The following KRT25 variants were observed in gnomAD, a reference collection of about 807,000 sequenced individuals.
KRT25 encodes keratin 25, also known as keratin, type I cytoskeletal 25.
KRT25 carries 37 observed loss-of-function variants against 47.6 expected under a neutral mutation model. The ratio of observed to expected loss-of-function variants is 0.78; its 90% CI spans 0.60 to 1.02. The LOEUF is 1.02. KRT25 is among the 50% of genes least tolerant of loss of function. The probability of loss-of-function intolerance (pLI) is 0.00; values close to 1 mark genes in which losing one functional copy is unlikely to be tolerated. For missense variants in KRT25, 542 were observed against 550.3 expected (o/e 0.98, Z 0.15); for synonymous variants, 203 against 210.2 (o/e 0.97, Z 0.30).
intron 6 of KRT25, among the ~76,000 whole-genome samples, chr17:40,749,918 T>A (rs557306046): frequency 6.6e-6 from 1 of 152,090 alleles, no homozygotes; most frequent in South Asian, 2.1e-4. Flanking sequence ...CCAAGGGAAG[T>A]GGGGCACAGA....
At chr17:40,749,742 A>G (rs895392245) in intron 6 of KRT25, among the ~76,000 whole-genome samples, 1 of 152,152 alleles carries the variant, frequency 6.6e-6, no homozygotes, top group Admixed American at 6.5e-5. Flanking sequence ...GGTGGGGAAG[A>G]GTGGTGTAGA....
At chr17:40,751,883 C>CGTGCGTGT (rs367732127) in intron 3 of KRT25, among the ~76,000 whole-genome samples, 4 of 148,920 alleles carry the variant, frequency 2.7e-5, no homozygotes, top group African/African-American at 1.0e-4. Flanking sequence ...TGTGTGCGTG[C>CGTGCGTGT]GTGTGTGTGT....
rs767208988 is a variant in KRT25 at position 40,751,269 on chromosome 17, C to T, written c.727G>A (p.Ala243Thr). ...GGNVNVEMNA[A>T]PGVDLTVLLN... is the part of the protein sequence containing the mutation. The stretch of plus-strand genomic sequence containing the variant: ...AGAACTGTGAGGTCCACCCCGGGGG[C>T]TGCGTTCATCTCCACGTTCACGTTG... The change falls in exon 4 of 8, where the codon GCC becomes ACC. Residue 243 changes from alanine (A) to threonine (T), a missense_variant. Coordinates refer to ENST00000312150, the MANE Select transcript of KRT25 (RefSeq NM_181534.4). 3.1e-6 allele frequency: 5 copies of T among 1,614,140 alleles called. No homozygotes were observed. In the South Asian group the frequency reaches 3.3e-5, roughly 11 times the overall value.
rs770844950 is a variant in KRT25 at position 40,750,559 on chromosome 17, G to A, written c.996C>T (p.Ser332=). The A allele has an allele frequency of 6.8e-6, 11 of 1,614,238 alleles. No individual in the cohort carries two copies. Among genetic ancestry groups the A allele is most frequent in the African/African-American group, 1.3e-5 (1 of 75,076 alleles). ...SLECSLTETE[S]NYCAQLAQIQ... is the part of the protein sequence containing the mutation. ...TCTGCGCCAGCTGCGCACAGTAGTTGCTCTCGGTCTCTGTCAAGGAGCACT... is the reference window on the plus strand; with the variant it reads ...TCTGCGCCAGCTGCGCACAGTAGTTACTCTCGGTCTCTGTCAAGGAGCACT... Residue 332 remains serine, a synonymous_variant, in exon 6 of 8, where the codon AGC becomes AGT. Transcript: ENST00000312150.
chr17:40,753,928 T>C lies in KRT25; in HGVS notation c.601A>G (p.Thr201Ala), dbSNP rs750444068. The C allele has an allele frequency of 1.9e-6, 3 of 1,613,926 alleles. No individual in the cohort carries two copies. The highest frequency in any genetic ancestry group is 1.1e-5 in the South Asian group (1 of 91,074). The change falls in exon 3 of 8, where the codon ACA becomes GCA. Residue 201 changes from threonine to alanine, a missense_variant. Coordinates refer to ENST00000312150, the MANE Select transcript of KRT25 (RefSeq NM_181534.4). ...GTTTCATACTGAATCTCCAGATCTG[T>C]TCTGCACAGGGTTATTTCATCCAAA... Reference protein sequence around the residue: ...RVLDEITLCRTDLEIQYETLS... With the variant: ...RVLDEITLCRADLEIQYETLS...
chr17:40,750,698 T>C, intron 5 of KRT25, 101 bp from the exon 6 acceptor site: 1 of 1,518,930 alleles, frequency 6.6e-7, no homozygotes, highest in Non-Finnish European at 9.0e-7. Flanking sequence ...CATATAATTG[T>C]TTCAGATTTC....
At chr17:40,749,137 A>G in intron 7 of KRT25, 121 bp downstream of exon 7, 1 of 722,044 alleles carries the variant, frequency 1.4e-6, no homozygotes. Flanking sequence ...AATAATATGC[A>G]CAACAAACCT....
Position 40,750,486 on chromosome 17 carries a change from T to G in KRT25, c.1069A>C (p.Thr357Pro). Residue 357 changes from threonine to proline, a missense_variant, in exon 6 of 8, where the codon ACC (threonine) becomes CCC (proline). Coordinates refer to ENST00000312150, the MANE Select transcript of KRT25 (RefSeq NM_181534.4). ...TCCAGCTTCTGGCCCTCGGTCTCGG[T>G]TCTGACCTGGTGCAGCTGCTCCTCC... ...ALEEQLHQVR[T>P]ETEGQKLEYE... 1.2e-6 allele frequency: 2 copies of G among 1,614,132 alleles called. No homozygotes were observed. Among genetic ancestry groups the G allele is most frequent in the South Asian group, 1.1e-5 (1 of 91,078 alleles).
chr17:40,751,219 G>C lies in KRT25; in HGVS notation c.777C>G (p.Tyr259Ter). The C allele has an allele frequency of 1.2e-6, 2 of 1,614,140 alleles. No individual in the cohort carries two copies. Among genetic ancestry groups the C allele is most frequent in the South Asian group, 1.1e-5 (1 of 91,086 alleles). The change falls in exon 4 of 8, where the codon TAC (tyrosine) becomes TAG (stop). Residue 259 changes from tyrosine (Y) to a stop codon, truncating the protein, a stop_gained. Coordinates refer to ENST00000312150, the MANE Select transcript of KRT25 (RefSeq NM_181534.4). LOFTEE classifies it high-confidence loss of function. ...TGCGGTTCTGCTCTGCAAGGGCTTC[G>C]TACTCAGCTCGCATGTTGTTCAGCA... ...TVLLNNMRAEYEALAEQNRRD... is the reference protein window; with the variant it reads ...TVLLNNMRAE
rs10491127 is a variant in KRT25 at position 40,749,225 on chromosome 17, T to G, written c.1243+33A>C. 707,890 of 1,513,698 alleles carry G rather than the reference T, an allele frequency of 0.47. 168,374 individuals are homozygous for G. The highest frequency in any genetic ancestry group is 0.69 in the East Asian group (30,601 of 44,386). 93.8% of individuals were successfully genotyped at this position (1,513,698 alleles called of 1,614,324 possible). On this transcript the variant is annotated intron_variant, in intron 7 of 7. Transcript: ENST00000312150. ...AAATTAAAAGTTAAAAAATAAAAAA[T>G]TAGCATTGCACAACAGATTTCATTT...
At position 40,748,151 on chromosome 17, in the gene KRT25, G is replaced by T; in HGVS notation, c.*126C>A. 1 of 582,216 alleles carries T rather than the reference G, an allele frequency of 1.7e-6. No homozygotes were observed. Among genetic ancestry groups the T allele is most frequent in the East Asian group, 2.9e-5 (1 of 34,240 alleles). 36.1% of individuals were successfully genotyped at this position (582,216 alleles called of 1,614,324 possible). A position where few individuals can be genotyped will look rare whatever the true frequency, so the allele number is the denominator to read the frequency against. On this transcript the variant is annotated 3_prime_UTR_variant, in exon 8 of 8. Coordinates refer to ENST00000312150, the MANE Select transcript of KRT25 (RefSeq NM_181534.4). ...GGGAGATGCTGTCATTGATTGCCCA[G>T]AAAGAAAGTAACAGAAAGACAACAG...
chr17:40,750,915 G>T lies in KRT25; in HGVS notation c.957+39C>A. 3 of 1,606,796 alleles carry T rather than the reference G, an allele frequency of 1.9e-6. No individual in the cohort carries two copies. In the South Asian group the frequency reaches 3.3e-5, roughly 18 times the overall value. ...CCAGCTGGCAAGTATCTAACATGAT[G>T]ACCTGGGAGATGGTGAAAAAAAATT... On this transcript the variant is annotated intron_variant, in intron 5 of 7. Transcript: ENST00000312150.
intron 5 of KRT25, 104 bp from the exon 6 acceptor site, chr17:40,750,701 C>T: frequency 6.6e-7 from 1 of 1,505,512 alleles, no homozygotes; most frequent in Non-Finnish European, 9.1e-7. Context: ...ATAATTGTTT[C>T]AGATTTCACA....
chr17:40,751,268 G>A lies in KRT25; in HGVS notation c.728C>T (p.Ala243Val). 1.2e-6 allele frequency: 2 copies of A among 1,614,136 alleles called. No individual in the cohort carries two copies. Among genetic ancestry groups the A allele is most frequent in the South Asian group, 1.1e-5 (1 of 91,078 alleles). The change falls in exon 4 of 8, where the codon GCC becomes GTC. Residue 243 changes from alanine to valine, a missense_variant. Coordinates refer to ENST00000312150, the MANE Select transcript of KRT25 (RefSeq NM_181534.4). Reference sequence around the variant, plus strand: ...CAGAACTGTGAGGTCCACCCCGGGGGCTGCGTTCATCTCCACGTTCACGTT... The same window carrying A: ...CAGAACTGTGAGGTCCACCCCGGGGACTGCGTTCATCTCCACGTTCACGTT... ...GGNVNVEMNA[A>V]PGVDLTVLLN...
At position 40,748,381 on chromosome 17, in the gene KRT25, C is replaced by A; in HGVS notation, c.1249G>T (p.Ala417Ser). 1.2e-6 allele frequency: 2 copies of A among 1,606,214 alleles called. No individual in the cohort carries two copies. The highest frequency in any genetic ancestry group is 2.2e-5 in the South Asian group (2 of 89,522). ...GNVGSQVKDPAKAIVVKKVLE... is the reference protein window; with the variant it reads ...GNVGSQVKDPSKAIVVKKVLE... ...ACTTTCTTAACCACTATGGCTTTGG[C>A]TGGGTCTGAGCATTAAAAATTAAAA... Residue 417 changes from alanine (A) to serine (S), a missense_variant, in exon 8 of 8, where the codon GCC becomes TCC. Ala to Ser is a moderately conservative substitution (Grantham distance 99). Coordinates refer to ENST00000312150, the MANE Select transcript of KRT25 (RefSeq NM_181534.4).
At chr17:40,754,542 A>G (rs989986972) in intron 1 of KRT25, 74 bp from the exon 2 acceptor site, 12 of 1,349,302 alleles carry the variant, frequency 8.9e-6, no homozygotes, top group African/African-American at 8.6e-5. Context: ...CTAATGCTAA[A>G]TTGGAATTCT....
intron 7 of KRT25, 94 bp from the exon 8 acceptor site, chr17:40,748,480 G>A (rs1319482931): frequency 1.3e-6 from 1 of 790,320 alleles, no homozygotes; most frequent in African/African-American, 1.8e-5. Context: ...CATACAGAAT[G>A]AACTTTGCAC....
intron 2 of KRT25, 54 bp downstream of exon 2, chr17:40,754,332 G>T: frequency 1.4e-6 from 2 of 1,394,438 alleles, no homozygotes; most frequent in Non-Finnish European, 2.0e-6. Context: ...TAAATTTGAT[G>T]TAATGCGTTG....
At chr17:40,749,601 T>A (rs1233875961) in intron 6 of KRT25, among the ~76,000 whole-genome samples, 1 of 152,152 alleles carries the variant, frequency 6.6e-6, no homozygotes, top group Non-Finnish European at 1.5e-5. Flanking sequence ...ACTGGGTGTA[T>A]TTATACAACT....
Sources: allele counts gnomAD v4.1 joint callset (sites outside exome capture counted in the v4.1 genomes callset), GRCh38; gene constraint gnomAD v4.1.1; transcripts MANE v1.5; gene names NCBI Gene and HGNC (gene_info 2026-07-23, HGNC 2026-07-21).